Variants in PCDHA5 observed in about 807,000 individuals in gnomAD.
PCDHA5 encodes protocadherin alpha-5.
In PCDHA5, 43 loss-of-function variants were observed where a neutral mutation model predicts 61.6. The ratio of observed to expected loss-of-function variants is 0.70; its 90% CI spans 0.55 to 0.90. The LOEUF (loss-of-function observed/expected upper bound fraction) is 0.90. Among genes scored for constraint, PCDHA5 ranks in the 40% least tolerant of loss-of-function variants. The probability of loss-of-function intolerance (pLI) is 0.00; values close to 1 mark genes in which losing one functional copy is unlikely to be tolerated. For missense variants in PCDHA5, 1,298 were observed against 1,222.7 expected (o/e 1.06, Z -0.92); for synonymous variants, 627 against 543.9 (o/e 1.15, Z -2.13).
At chr5:140,893,771 T>C (rs1428542584) in intron 1 of PCDHA5, among the ~76,000 whole-genome samples, 1 of 152,186 alleles carries the variant, frequency 6.6e-6, no homozygotes, top group African/African-American at 2.4e-5. Flanking sequence ...CTTGTCACTT[T>C]TCTTTTACCG....
At chr5:141,008,015 T>C (rs2098356412) in intron 3 of PCDHA5, among the ~76,000 whole-genome samples, 1 of 152,088 alleles carries the variant, frequency 6.6e-6, no homozygotes. Flanking sequence ...TTCTGTTTCC[T>C]TTTTTTTCTT....
chr5:140,968,855 A>G (rs2096275634), intron 1 of PCDHA5: 2 of 1,614,198 alleles, frequency 1.2e-6, no homozygotes, highest in Non-Finnish European at 1.7e-6. Flanking sequence ...GCATGTTAAG[A>G]GCCCTCGGAC....
At chr5:140,940,894 T>G (rs1364224332) in intron 1 of PCDHA5, among the ~76,000 whole-genome samples, 1 of 152,240 alleles carries the variant, frequency 6.6e-6, no homozygotes, top group Non-Finnish European at 1.5e-5. Flanking sequence ...AGTAAACCAC[T>G]TTAAATCAAG....
intron 1 of PCDHA5, among the ~76,000 whole-genome samples, chr5:140,872,762 G>A (rs545441914): frequency 6.6e-6 from 1 of 152,066 alleles, no homozygotes; most frequent in African/African-American, 2.4e-5. Flanking sequence ...ATGCATATAG[G>A]GCTATATTAT....
chr5:140,923,665 C>T (rs369836298), intron 1 of PCDHA5, among the ~76,000 whole-genome samples: 77 of 152,288 alleles, frequency 5.1e-4, no homozygotes, highest in African/African-American at 1.6e-3. Flanking sequence ...TTTGGGATAT[C>T]GTTCTCTCTT....
chr5:140,975,527 A>G (rs782267941), intron 1 of PCDHA5, among the ~76,000 whole-genome samples: 2 of 152,220 alleles, frequency 1.3e-5, no homozygotes, highest in Non-Finnish European at 2.9e-5. Context: ...CAGTGGATAT[A>G]TTCTTAATAC....
intron 1 of PCDHA5, among the ~76,000 whole-genome samples, chr5:140,911,105 G>A (rs960375597): frequency 3.2e-4 from 48 of 152,082 alleles, no homozygotes; most frequent in African/African-American, 1.2e-3. Flanking sequence ...CTGCCTCAGG[G>A]GAAGCCATCA....
chr5:140,944,276 A>C (rs2093633258), intron 1 of PCDHA5, among the ~76,000 whole-genome samples: 1 of 152,002 alleles, frequency 6.6e-6, no homozygotes, highest in Non-Finnish European at 1.5e-5. Flanking sequence ...CAGCCTTGAC[A>C]CCCCGGGCTC....
chr5:140,856,176 T>C lies in PCDHA5; in HGVS notation c.2352+32049T>C, dbSNP rs782159422. ...TACGAGGAGGCCAGACACGGCACCT[T>C]CGTGGGCCGCATCGCGCAGGACCTG... On this transcript the variant is annotated intron_variant, in intron 1 of 3. Coordinates refer to ENST00000529859, the MANE Select transcript of PCDHA5 (RefSeq NM_018908.3). 5 of 1,598,130 alleles carry C rather than the reference T, an allele frequency of 3.1e-6. No homozygotes were observed. In the South Asian group the frequency reaches 5.5e-5, roughly 18 times the overall value.
chr5:140,843,113 G>A (rs1234618172), intron 1 of PCDHA5: 1 of 1,595,750 alleles, frequency 6.3e-7, no homozygotes, highest in Admixed American at 1.7e-5. Context: ...GCGCGCAGTG[G>A]ACGCCGACTC....
intron 1 of PCDHA5, among the ~76,000 whole-genome samples, chr5:140,931,879 T>A (rs1335268218): frequency 3.3e-5 from 5 of 151,966 alleles, no homozygotes; most frequent in Non-Finnish European, 7.4e-5. Flanking sequence ...TATTTATTGC[T>A]TTCATTTTAT....
intron 1 of PCDHA5, chr5:140,834,386 G>A (rs1295160788): frequency 1.9e-6 from 3 of 1,582,980 alleles, no homozygotes; most frequent in Non-Finnish European, 2.6e-6. Context: ...AATTTGAAAT[G>A]GTGTGCCCGA....
At chr5:140,918,111 C>A (rs1035723043) in intron 1 of PCDHA5, among the ~76,000 whole-genome samples, 1 of 152,016 alleles carries the variant, frequency 6.6e-6, no homozygotes, top group Admixed American at 6.6e-5. Flanking sequence ...CTTTCACATC[C>A]TTGATTAGCC....
intron 1 of PCDHA5, chr5:140,862,140 G>A (rs2047224781): frequency 6.1e-6 from 1 of 162,900 alleles, no homozygotes; most frequent in Admixed American, 5.7e-5. Flanking sequence ...AGGTTTTGAG[G>A]AAACTAAATA....
Position 140,877,874 on chromosome 5 carries a change from C to T in PCDHA5, c.2352+53747C>T, listed in dbSNP as rs782471585. The T allele has an allele frequency of 2.7e-6, 4 of 1,477,338 alleles. No homozygotes were observed. The African/African-American group carries it at 5.7e-5, about 21-fold the overall frequency. The allele number at this position is 1,477,338 out of a possible 1,614,324, so 91.5% of individuals were successfully genotyped here. ...TAATATTATTTAGATATATTTGTTT[C>T]CTTGAAGAACTTCCGTTTAGGTTAT... is the stretch of plus-strand genomic sequence containing the variant. On this transcript the variant is annotated intron_variant, in intron 1 of 3. Transcript: ENST00000529859.
intron 1 of PCDHA5, among the ~76,000 whole-genome samples, chr5:140,945,624 C>T (rs1248945489): frequency 6.6e-6 from 1 of 152,028 alleles, no homozygotes; most frequent in African/African-American, 2.4e-5. Flanking sequence ...ATGGTACTGG[C>T]ATAAAAGACA....
At chr5:140,829,077 C>T in intron 1 of PCDHA5, 2 of 1,611,602 alleles carry the variant, frequency 1.2e-6, no homozygotes, top group Non-Finnish European at 1.7e-6. Context: ...GGCCATCCTC[C>T]CATGGCGGGT....
intron 1 of PCDHA5, among the ~76,000 whole-genome samples, chr5:140,923,975 T>C (rs1475895954): frequency 2.0e-5 from 3 of 152,222 alleles, no homozygotes; most frequent in African/African-American, 7.2e-5. Flanking sequence ...CCACACATAC[T>C]ATCCCTCTAG....
At chr5:140,843,585 C>A in intron 1 of PCDHA5, 2 of 1,596,014 alleles carry the variant, frequency 1.3e-6, no homozygotes, top group East Asian at 2.2e-5. Context: ...CAACAACAGC[C>A]GCAGAGGGTG....
Sources: allele counts gnomAD v4.1 joint callset (sites outside exome capture counted in the v4.1 genomes callset), GRCh38; gene constraint gnomAD v4.1.1; transcripts MANE v1.5; gene names NCBI Gene and HGNC (gene_info 2026-07-23, HGNC 2026-07-21).